HERC1: variants seen among roughly 807,000 people sequenced by gnomAD.
The protein encoded by HERC1 is HECT and RLD domain containing E3 ubiquitin protein ligase family member 1.
A neutral mutation model predicts 554.3 loss-of-function variants in HERC1; 160 were observed. The ratio of observed to expected loss-of-function variants is 0.29; its 90% CI spans 0.25 to 0.33. The LOEUF (loss-of-function observed/expected upper bound fraction) is 0.33. Ranked by LOEUF, HERC1 falls within the 10% of genes least tolerant of loss-of-function variation. The probability of loss-of-function intolerance (pLI) is 1.00; values close to 1 mark genes in which losing one functional copy is unlikely to be tolerated. For missense variants in HERC1, 4,919 were observed against 5,918.5 expected (o/e 0.83, Z 5.54); for synonymous variants, 2,175 against 2,131.7 (o/e 1.02, Z -0.56).
At chr15:63,805,449 A>G (rs998376930) in intron 1 of HERC1, among the ~76,000 whole-genome samples, 1 of 152,196 alleles carries the variant, frequency 6.6e-6, no homozygotes, top group Non-Finnish European at 1.5e-5. Context: ...CGGTGATAAA[A>G]AGCACATCAG....
At chr15:63,690,698 T>C (rs976501588) in intron 31 of HERC1, 51 bp from the exon 32 acceptor site, 1 of 1,186,436 alleles carries the variant, frequency 8.4e-7, no homozygotes, top group Non-Finnish European at 1.2e-6. Context: ...AAATTCAAAG[T>C]TAAAATGAAC....
intron 33 of HERC1, 121 bp from the exon 34 acceptor site, chr15:63,686,656 CTG>C: frequency 1.3e-6 from 1 of 758,366 alleles, no homozygotes; most frequent in Non-Finnish European, 2.1e-6. Context: ...GAATCAGTTA[CTG>C]TGCAGGGCAA....
At chr15:63,745,554 A>G (rs1054520578) in intron 12 of HERC1, among the ~76,000 whole-genome samples, 26 of 152,138 alleles carry the variant, frequency 1.7e-4, no homozygotes, top group African/African-American at 6.0e-4. Flanking sequence ...ATTGAGTTCA[A>G]TGCCTCACAA....
At chr15:63,761,811 TGTATCTTTGGGA>T (rs2075620953) in intron 3 of HERC1, among the ~76,000 whole-genome samples, 1 of 152,342 alleles carries the variant, frequency 6.6e-6, no homozygotes, top group South Asian at 2.1e-4. Context: ...TTCTCATCCT[TGTATCTTTGGGA>T]ATTAGCAATC....
chr15:63,617,925 G>C (rs2067896301), intron 74 of HERC1, among the ~76,000 whole-genome samples: 1 of 152,042 alleles, frequency 6.6e-6, no homozygotes, highest in South Asian at 2.1e-4. Context: ...AGATGAGTAG[G>C]TTGCAAAAAT....
At chr15:63,620,284 T>G (rs1205872237) in intron 74 of HERC1, among the ~76,000 whole-genome samples, 2 of 152,188 alleles carry the variant, frequency 1.3e-5, no homozygotes, top group Non-Finnish European at 2.9e-5. Context: ...GTTGTTCAGT[T>G]TCCATGTAGT....
chr15:63,729,731 G>C, intron 14 of HERC1, 82 bp from the exon 15 acceptor site: 1 of 1,388,072 alleles, frequency 7.2e-7, no homozygotes, highest in Non-Finnish European at 1.0e-6. Flanking sequence ...GATTTAAGCA[G>C]CATTATATGG....
At chr15:63,661,047 T>C (rs368034821) in intron 45 of HERC1, 22 bp from the exon 46 acceptor site, 168 of 1,595,680 alleles carry the variant, frequency 1.1e-4, no homozygotes, top group African/African-American at 3.6e-4. Context: ...ATGAAGAACA[T>C]TGCATTTTTA....
chr15:63,620,370 A>G (rs1439596696), intron 74 of HERC1, among the ~76,000 whole-genome samples: 1 of 151,452 alleles, frequency 6.6e-6, no homozygotes, highest in African/African-American at 2.4e-5. Flanking sequence ...AGTTTGTTAT[A>G]ATTTCTGTTC....
chr15:63,782,267 T>C (rs1301761314), intron 1 of HERC1, among the ~76,000 whole-genome samples: 1 of 152,194 alleles, frequency 6.6e-6, no homozygotes, highest in African/African-American at 2.4e-5. Flanking sequence ...AAAGGACAGG[T>C]TGAGTCTCTT....
Position 63,640,171 on chromosome 15 carries a change from T to A in HERC1, c.11882A>T (p.Asp3961Val), listed in dbSNP as rs745454337. The change falls in exon 61 of 78, where the codon GAT becomes GTT. Residue 3961 changes from aspartate (D) to valine (V), a missense_variant. Asp to Val is a radical substitution (Grantham distance 152). Around this residue, in one of 11 missense-constraint regions of HERC1, gnomAD observed 1,963 missense variants for 2,228.6 expected, o/e 0.88. Coordinates refer to ENST00000443617, the MANE Select transcript of HERC1 (RefSeq NM_003922.4). ...ATTTACCATTAGAAATACAAGTTCA[T>A]CCTCTGGAACAGGTTCTAGATCTGG... Reference protein sequence around the residue: ...TVPDLEPVPEDELVFLMDNSK... With the variant: ...TVPDLEPVPEVELVFLMDNSK... 27 of 1,613,626 alleles carry A rather than the reference T, an allele frequency of 1.7e-5. No homozygotes were observed. The highest frequency in any genetic ancestry group is 2.3e-5 in the Non-Finnish European group (27 of 1,179,736).
Position 63,718,170 on chromosome 15 carries a change from C to A in HERC1, c.3978+404G>T, listed in dbSNP as rs534776101. Among the ~76,000 whole-genome samples the A allele has an allele frequency of 1.5e-4, 23 of 150,892 alleles. No individual in the cohort carries two copies. Among genetic ancestry groups the A allele is most frequent in the Non-Finnish European group, 3.0e-4 (20 of 67,766 alleles). ...TTCTCTAAGCTGAATATTTTTGATA[C>A]TTTCTAGTCCTTCTATGACATAATT... On this transcript the variant is annotated intron_variant, in intron 21 of 77. Transcript: ENST00000443617. This position sits in a 1 kb window ranked among gnomAD's most constrained non-coding sequence, Gnocchi z 4.2.
At position 63,623,718 on chromosome 15, in the gene HERC1, A is replaced by G; in HGVS notation, c.13611+7T>C. ...ATAACTCAGCAGGGGACACTGCAGG[A>G]ATATACCTGGCACATCTCTGTGATG... On this transcript the variant is annotated splice_region_variant and intron_variant, in intron 73 of 77. Coordinates refer to ENST00000443617, the MANE Select transcript of HERC1 (RefSeq NM_003922.4). The G allele has an allele frequency of 5.6e-6, 9 of 1,613,484 alleles. No individual in the cohort carries two copies. The highest frequency in any genetic ancestry group is 7.6e-6 in the Non-Finnish European group (9 of 1,179,566).
chr15:63,666,316 C>T, intron 41 of HERC1, 40 bp downstream of exon 41: 1 of 1,456,790 alleles, frequency 6.9e-7, no homozygotes, highest in South Asian at 1.2e-5. Flanking sequence ...GCTAGGACTT[C>T]TCATATCTGT....
intron 18 of HERC1, among the ~76,000 whole-genome samples, chr15:63,724,435 T>C (rs1338296268): frequency 6.6e-6 from 1 of 152,198 alleles, no homozygotes; most frequent in Non-Finnish European, 1.5e-5. Context: ...TGGAGGAAAA[T>C]CCTCAACTGC....
chr15:63,618,362 ATC>A (rs1254107497), intron 74 of HERC1, among the ~76,000 whole-genome samples: 2 of 152,062 alleles, frequency 1.3e-5, no homozygotes, highest in Non-Finnish European at 2.9e-5. Flanking sequence ...ATTGGTCTAT[ATC>A]TCTGTTTTGG....
chr15:63,701,496 A>G (rs1459514350), intron 25 of HERC1, among the ~76,000 whole-genome samples: 1 of 152,246 alleles, frequency 6.6e-6, no homozygotes, highest in East Asian at 1.9e-4. Context: ...TTTGCAGACC[A>G]TAAGGTCTCT....
intron 1 of HERC1, among the ~76,000 whole-genome samples, chr15:63,798,836 G>A (rs1201089669): frequency 6.6e-6 from 1 of 152,122 alleles, no homozygotes; most frequent in Non-Finnish European, 1.5e-5. Context: ...GTATATTAAG[G>A]TCAGTTTTTT....
rs767056710 is a variant in HERC1 at position 63,746,982 on chromosome 15, G to C, written c.2456C>G (p.Ala819Gly). Reference protein sequence around the residue: ...GVATSILGRQAGPLRNLLFRL... With the variant: ...GVATSILGRQGGPLRNLLFRL... Reference sequence around the variant, plus strand: ...GAAGAGCAAATTTCGAAGTGGACCTGCCTGCCTCCCGAGAATGCTGGTAGC... The same window carrying C: ...GAAGAGCAAATTTCGAAGTGGACCTCCCTGCCTCCCGAGAATGCTGGTAGC... Residue 819 changes from alanine (A) to glycine (G), a missense_variant, in exon 12 of 78, where the codon GCA becomes GGA. Coordinates refer to ENST00000443617, the MANE Select transcript of HERC1 (RefSeq NM_003922.4). 1 of 1,563,418 alleles carries C rather than the reference G, an allele frequency of 6.4e-7. No individual in the cohort carries two copies. The highest frequency in any genetic ancestry group is 1.2e-5 in the South Asian group (1 of 84,570).
Sources: allele counts gnomAD v4.1 joint callset (sites outside exome capture counted in the v4.1 genomes callset), GRCh38; gene constraint gnomAD v4.1.1; regional missense constraint gnomAD v4.1.1; non-coding constraint Gnocchi (gnomAD v3.1); transcripts MANE v1.5; gene names NCBI Gene and HGNC (gene_info 2026-07-23, HGNC 2026-07-21).